CSMD1: variants seen among roughly 807,000 people sequenced by gnomAD.
The protein encoded by CSMD1 is CUB and Sushi multiple domains 1.
CSMD1 carries 213 observed loss-of-function variants against 417.5 expected under a neutral mutation model. That is an observed-to-expected ratio of 0.51 (90% CI 0.46 to 0.57). CSMD1 has a LOEUF of 0.57. Among genes scored for constraint, CSMD1 ranks in the 20% least tolerant of loss-of-function variants. The probability of loss-of-function intolerance (pLI) is 0.00; values close to 1 mark genes in which losing one functional copy is unlikely to be tolerated. For missense variants in CSMD1, 6,923 were observed against 4,529.7 expected (o/e 1.53, Z -15.17); for synonymous variants, 2,862 against 1,736.8 (o/e 1.65, Z -16.11).
At chr8:3,438,531 C>G (rs1277998560) in intron 12 of CSMD1, among the ~76,000 whole-genome samples, 1 of 152,142 alleles carries the variant, frequency 6.6e-6, no homozygotes, top group African/African-American at 2.4e-5. Flanking sequence ...CTTTTTTGGT[C>G]AGCACCACTC....
chr8:4,105,869 G>A (rs575935155), intron 3 of CSMD1, among the ~76,000 whole-genome samples: 1 of 152,334 alleles, frequency 6.6e-6, no homozygotes, highest in South Asian at 2.1e-4. Context: ...GGACAACAGA[G>A]CAGACAGGAC....
At chr8:3,056,366 G>C (rs1401062305) in intron 49 of CSMD1, among the ~76,000 whole-genome samples, 1 of 152,054 alleles carries the variant, frequency 6.6e-6, no homozygotes, top group Non-Finnish European at 1.5e-5. Flanking sequence ...ACGTTTCTCT[G>C]TTTTTTTCTT....
chr8:3,666,568 C>A (rs1376468983), intron 7 of CSMD1, among the ~76,000 whole-genome samples: 1 of 152,096 alleles, frequency 6.6e-6, no homozygotes, highest in Non-Finnish European at 1.5e-5. Context: ...TGTCCCCACC[C>A]AAATCTCATC....
At chr8:4,563,171 G>A (rs1401562150) in intron 2 of CSMD1, among the ~76,000 whole-genome samples, 3 of 152,124 alleles carry the variant, frequency 2.0e-5, no homozygotes, top group Non-Finnish European at 2.9e-5. Context: ...GGAGGCCGAG[G>A]CAGGCGGATC....
chr8:3,722,270 T>A (rs1032871472), intron 6 of CSMD1, among the ~76,000 whole-genome samples: 8 of 152,090 alleles, frequency 5.3e-5, no homozygotes, highest in Non-Finnish European at 7.4e-5. Flanking sequence ...ATCACACCAC[T>A]GCACTCCAGC....
intron 11 of CSMD1, 109 bp downstream of exon 11, chr8:3,493,514 T>C: frequency 3.6e-6 from 3 of 828,274 alleles, no homozygotes; most frequent in Non-Finnish European, 5.8e-6. Context: ...TAGATGGCAC[T>C]AAGCAAACAC....
Position 4,920,976 on chromosome 8 carries a change from AAGAAACAAAGAAAGAAAGAAAAG to A in CSMD1, c.85+73333_85+73355del, listed in dbSNP as rs1208859547. On this transcript the variant is annotated intron_variant, in intron 1 of 69. Transcript: ENST00000635120. ...AAAGAAAGAAAGAAAGAAAGAAAGA[AAGAAACAAAGAAAGAAAGAAAAG>A]AAAGAAAGAAAGAAAAGAAAGAAAG... Among the ~76,000 whole-genome samples the A allele has an allele frequency of 2.7e-3, 11 of 4,010 alleles. 3 individuals carry two copies. Among genetic ancestry groups the A allele is most frequent in the Admixed American group, 0.011 (3 of 284 alleles). The allele number at this position is 4,010 out of a possible 152,430, so 2.6% of individuals were successfully genotyped here.
chr8:4,276,897 A>G (rs563510082), intron 3 of CSMD1, among the ~76,000 whole-genome samples: 36 of 152,182 alleles, frequency 2.4e-4, no homozygotes, highest in Admixed American at 3.9e-4. Flanking sequence ...CATAGTTAAA[A>G]TATGTAATAG....
chr8:4,652,536 C>G (rs529872199), intron 1 of CSMD1, among the ~76,000 whole-genome samples: 1 of 151,918 alleles, frequency 6.6e-6, no homozygotes, highest in South Asian at 2.1e-4. Context: ...CCTGTGATCC[C>G]AGCTACTCAG....
intron 11 of CSMD1, among the ~76,000 whole-genome samples, chr8:3,471,864 G>C (rs1817124647): frequency 6.6e-6 from 1 of 152,152 alleles, no homozygotes; most frequent in Non-Finnish European, 1.5e-5. Flanking sequence ...AGAAGAATGT[G>C]GGCATAGCCG....
chr8:3,111,135 A>T (rs1220724907), intron 42 of CSMD1, among the ~76,000 whole-genome samples: 5 of 152,192 alleles, frequency 3.3e-5, no homozygotes. Flanking sequence ...AACTCTCTTG[A>T]ACCTCGAAGG....
Position 4,002,201 on chromosome 8 carries a change from G to C in CSMD1, c.611-4091C>G, listed in dbSNP as rs539328527. ...TGAGGCAAAATTAGTGTTGGTGCCTGTGAGTGTGTGTGTGTGAGTGTGTGT... is the reference window on the plus strand; with the variant it reads ...TGAGGCAAAATTAGTGTTGGTGCCTCTGAGTGTGTGTGTGTGAGTGTGTGT... On this transcript the variant is annotated intron_variant, in intron 4 of 69. Coordinates refer to ENST00000635120, the MANE Select transcript of CSMD1 (RefSeq NM_033225.6). 1.4e-3 allele frequency among the ~76,000 whole-genome samples: 208 copies of C among 151,492 alleles called. 1 individual carries two copies. Among genetic ancestry groups the C allele is most frequent in the African/African-American group, 4.7e-3 (197 of 41,476 alleles).
At chr8:3,579,165 G>C (rs1000230404) in intron 9 of CSMD1, among the ~76,000 whole-genome samples, 1 of 152,066 alleles carries the variant, frequency 6.6e-6, no homozygotes, top group Non-Finnish European at 1.5e-5. Flanking sequence ...AGTAAAACTA[G>C]AATTCACAGA....
Position 4,696,259 on chromosome 8 carries a change from T to C in CSMD1, c.86-58701A>G, listed in dbSNP as rs528457292. Among the ~76,000 whole-genome samples, 17 of 152,318 alleles carry C rather than the reference T, an allele frequency of 1.1e-4. No homozygotes were observed. The Middle Eastern group carries it at 0.01, about 91-fold the overall frequency. Reference sequence around the variant, plus strand: ...ATGATAGATACACATAAGAATTCAATAGTTGCAGAAAATCAAAAGTACTCT... The same window carrying C: ...ATGATAGATACACATAAGAATTCAACAGTTGCAGAAAATCAAAAGTACTCT... On this transcript the variant is annotated intron_variant, in intron 1 of 69. Transcript: ENST00000635120.
rs1042797757 is a variant in CSMD1 at position 3,115,203 on chromosome 8, C to A, written c.6430+3196G>T. 2.1e-5 allele frequency among the ~76,000 whole-genome samples: 3 copies of A among 141,150 alleles called. No individual in the cohort carries two copies. In the South Asian group the frequency reaches 7.5e-4, roughly 35 times the overall value. The allele number at this position is 141,150 out of a possible 152,430, so 92.6% of individuals were successfully genotyped here. On this transcript the variant is annotated intron_variant, in intron 42 of 69. Coordinates refer to ENST00000635120, the MANE Select transcript of CSMD1 (RefSeq NM_033225.6). The stretch of plus-strand genomic sequence containing the variant: ...ATTTTAACAATTACAATCCCCCCCC[C>A]CCCTTTTTTTTTTTTGAGATGGAGT...
intron 3 of CSMD1, among the ~76,000 whole-genome samples, chr8:4,063,737 G>C (rs1029421379): frequency 1.3e-5 from 2 of 152,138 alleles, no homozygotes; most frequent in East Asian, 1.9e-4. Flanking sequence ...GAAATGGGAA[G>C]TGCCTTTTAT....
intron 3 of CSMD1, among the ~76,000 whole-genome samples, chr8:4,190,691 A>C (rs924494723): frequency 2.0e-5 from 3 of 152,174 alleles, no homozygotes; most frequent in African/African-American, 7.2e-5. Context: ...ATTTTTCATT[A>C]TGAATTAACA....
intron 2 of CSMD1, among the ~76,000 whole-genome samples, chr8:4,492,728 C>G (rs1007000380): frequency 6.6e-6 from 1 of 152,150 alleles, no homozygotes; most frequent in Admixed American, 6.5e-5. Context: ...TGGAAACTGA[C>G]CATGGGCACA....
intron 1 of CSMD1, among the ~76,000 whole-genome samples, chr8:4,648,287 G>A (rs1469478533): frequency 1.3e-5 from 2 of 152,102 alleles, no homozygotes; most frequent in East Asian, 3.9e-4. Flanking sequence ...ATTTCTTGTA[G>A]TTTTTTGTTT....
Sources: gnomAD v4.1 joint callset for allele counts (sites outside exome capture counted in the v4.1 genomes callset) on GRCh38, gnomAD v4.1.1 for gene constraint, MANE v1.5 for transcripts, NCBI Gene and HGNC (gene_info 2026-07-23, HGNC 2026-07-21) for gene names.